FAM200B: variants seen among roughly 807,000 people sequenced by gnomAD.
FAM200B encodes the protein protein FAM200B.
A neutral mutation model predicts 33.1 loss-of-function variants in FAM200B; 32 were observed. The ratio of observed to expected loss-of-function variants is 0.97; its 90% CI spans 0.73 to 1.30. FAM200B has a LOEUF of 1.30. FAM200B is among the 50% of genes most tolerant of loss of function. FAM200B has a pLI of 0.00. For missense variants in FAM200B, 741 were observed against 754.0 expected, an observed-to-expected ratio of 0.98 and a Z score of 0.20; for synonymous variants, 240 against 264.8, an observed-to-expected ratio of 0.91 and a Z score of 0.91.
At chr4:15,643,432 T>C in the FAM200B span, among the ~76,000 whole-genome samples, 1 of 152,364 alleles carries the variant, frequency 6.6e-6, no homozygotes, top group East Asian at 1.9e-4. Flanking sequence ...GTAAATGTAA[T>C]TAAGAAGAAA....
the FAM200B span, among the ~76,000 whole-genome samples, chr4:15,647,579 T>C: frequency 6.6e-6 from 1 of 152,208 alleles, no homozygotes. Flanking sequence ...CATTAGACTA[T>C]TAGAAATTCT....
chr4:15,639,270 A>G, the FAM200B span, among the ~76,000 whole-genome samples: 1 of 152,204 alleles, frequency 6.6e-6, no homozygotes, highest in Non-Finnish European at 1.5e-5. Context: ...CTTTCCCTTT[A>G]TAGAATTTGT....
rs1264409991 is a variant in FAM200B, at chr4:15,686,700, TATG to T, written c.-273_-271del. The T allele has an allele frequency of 4.8e-6, 1 of 209,858 alleles. No homozygotes were observed. The highest frequency in any genetic ancestry group is 1.0e-4 in the East Asian group (1 of 9,868). 13.0% of individuals were successfully genotyped at this position (209,858 alleles called of 1,614,324 possible). A position where few individuals can be genotyped will look rare whatever the true frequency, so the allele number is the denominator to read the frequency against. On this transcript the variant is annotated 5_prime_UTR_variant, in exon 2 of 2. An upstream start codon of the reference 5' UTR is lost. Transcript: ENST00000422728. Reference sequence around the variant, plus strand: ...CGAGAGGGGTATTTGATGGAGGAGATATGATGAATAGAATGTATATTGGCTAAG... The same window carrying T: ...CGAGAGGGGTATTTGATGGAGGAGATATGAATAGAATGTATATTGGCTAAG...
At chr4:15,647,483 G>A in the FAM200B span, among the ~76,000 whole-genome samples, 1 of 152,092 alleles carries the variant, frequency 6.6e-6, no homozygotes, top group East Asian at 1.9e-4. Flanking sequence ...AAAATAGGAG[G>A]ATACCAAGGG....
chr4:15,655,347 C>G, the FAM200B span: 2 of 1,263,634 alleles, frequency 1.6e-6, no homozygotes, highest in Non-Finnish European at 2.1e-6. Context: ...TAGACACCCT[C>G]GCCGCGGGGC....
Position 15,688,329 on chromosome 4 carries a change from G to T in FAM200B, c.1352G>T (p.Ser451Ile). 6.4e-7 allele frequency: 1 copy of T among 1,550,390 alleles called. No homozygotes were observed. Among genetic ancestry groups the T allele is most frequent in the East Asian group, 2.4e-5 (1 of 40,840 alleles). Residue 451 changes from serine (S) to isoleucine (I), a missense_variant, in exon 2 of 2, where the codon AGT (serine) becomes ATT (isoleucine). Physicochemically the swap from Ser to Ile is moderately radical, Grantham distance 142. Coordinates refer to ENST00000422728, the MANE Select transcript of FAM200B (RefSeq NM_001145191.2). ...AGTTTAAAACTACAGGGGAAAAACA[G>T]TGATGTATTCCAACATGTTGAACGT... The part of the protein sequence containing the change: ...ELSLKLQGKN[S>I]DVFQHVERIQ...
intron 1 of FAM200B, among the ~76,000 whole-genome samples, chr4:15,683,550 A>T (rs560488165): frequency 2.6e-5 from 4 of 152,336 alleles, no homozygotes; most frequent in African/African-American, 9.6e-5. Context: ...GAGATAAATG[A>T]TCCATATATA....
At chr4:15,647,113 C>T in the FAM200B span, among the ~76,000 whole-genome samples, 1 of 149,514 alleles carries the variant, frequency 6.7e-6, no homozygotes, top group South Asian at 2.1e-4. Flanking sequence ...GTCCCAGCTA[C>T]TCGGGAGGCT....
the FAM200B span, chr4:15,641,383 C>A: frequency 1.2e-5 from 4 of 345,634 alleles, no homozygotes; most frequent in African/African-American, 8.6e-5. Context: ...CCAACCCCAC[C>A]TCTTCTTCCT....
the FAM200B span, among the ~76,000 whole-genome samples, chr4:15,640,393 G>A: frequency 4.3e-3 from 393 of 91,472 alleles, no homozygotes; most frequent in Middle Eastern, 0.014. Context: ...CTACACTACT[G>A]AAAAAAAAAA....
At position 15,681,840 on chromosome 4, in the gene FAM200B, T is replaced by C. The variant is rs1463380356; in HGVS notation, c.-804T>C. On this transcript the variant is annotated 5_prime_UTR_variant, in exon 1 of 2. Transcript: ENST00000422728. ...TGTGGGGAGAGCAGAGGCGCAGCTC[T>C]GCTGGAGAGACCTGAGGCTTGCAGC... The C allele has an allele frequency of 6.5e-6, 1 of 152,886 alleles. No individual in the cohort carries two copies. Among genetic ancestry groups the C allele is most frequent in the Non-Finnish European group, 1.5e-5 (1 of 68,538 alleles). 9.5% of individuals were successfully genotyped at this position (152,886 alleles called of 1,614,324 possible).
chr4:15,680,072 T>C (rs371916018), upstream of FAM200B, among the ~76,000 whole-genome samples: 19 of 151,876 alleles, frequency 1.3e-4, no homozygotes, highest in South Asian at 3.9e-3. Context: ...ATAAGTTTAA[T>C]TGAATACTGA....
intron 1 of FAM200B, among the ~76,000 whole-genome samples, chr4:15,685,910 GGT>G (rs1718795030): frequency 6.6e-6 from 1 of 152,086 alleles, no homozygotes; most frequent in African/African-American, 2.4e-5. Context: ...GACCAAGATA[GGT>G]GCGGCCAAGC....
chr4:15,684,006 G>A (rs1475651893), intron 1 of FAM200B, among the ~76,000 whole-genome samples: 1 of 152,196 alleles, frequency 6.6e-6, no homozygotes, highest in South Asian at 2.1e-4. Flanking sequence ...CTTGGTGTAT[G>A]AGAAACTTTC....
the FAM200B span, among the ~76,000 whole-genome samples, chr4:15,646,749 T>C: frequency 3.0e-5 from 4 of 135,344 alleles, no homozygotes; most frequent in East Asian, 7.1e-4. Context: ...CCCACGTCCA[T>C]GTTGTTCTCA....
upstream of FAM200B, among the ~76,000 whole-genome samples, chr4:15,677,352 T>C (rs1718031827): frequency 6.6e-6 from 1 of 152,232 alleles, no homozygotes; most frequent in African/African-American, 2.4e-5. Flanking sequence ...GTGTCTTTTA[T>C]ACTTCATAAT....
the FAM200B span, among the ~76,000 whole-genome samples, chr4:15,669,760 C>T: frequency 0.043 from 6,570 of 152,102 alleles, 221 homozygotes; most frequent in Non-Finnish European, 0.066. Context: ...TATTGAAAAG[C>T]AATTACTATT....
At chr4:15,679,562 CAAAAAAAAAAAAA>C (rs1202369624), upstream of FAM200B, among the ~76,000 whole-genome samples, 3 of 94,406 alleles carry the variant, frequency 3.2e-5, no homozygotes, top group Non-Finnish European at 6.9e-5. Flanking sequence ...AGTTCAGGAA[CAAAAAAAAAAAAA>C]AACAAAAAAA....
chr4:15,640,947 AG>A, the FAM200B span: 4 of 873,660 alleles, frequency 4.6e-6, no homozygotes, highest in Non-Finnish European at 5.1e-6. Context: ...GTCTGGTCCC[AG>A]GAAGTTTAAA....
Sources: allele counts gnomAD v4.1 joint callset (sites outside exome capture counted in the v4.1 genomes callset), GRCh38; gene constraint gnomAD v4.1.1; transcripts MANE v1.5; gene names NCBI Gene and HGNC (gene_info 2026-07-23, HGNC 2026-07-21).